The following DAP variants were observed in gnomAD, a reference collection of about 807,000 sequenced individuals.
DAP encodes death-associated protein 1.
A neutral mutation model predicts 13.8 loss-of-function variants in DAP; 8 were observed. The ratio of observed to expected loss-of-function variants is 0.58; its 90% CI spans 0.34 to 1.05. The LOEUF is 1.05. Ranked by LOEUF, DAP falls within the 50% of genes least tolerant of loss-of-function variation. The probability of loss-of-function intolerance (pLI) is 0.03; values close to 1 mark genes in which losing one functional copy is unlikely to be tolerated. For missense variants in DAP, 106 were observed against 133.2 expected (o/e 0.80, Z 1.01); for synonymous variants, 47 against 47.5 (o/e 0.99, Z 0.04).
chr5:10,721,619 AC>A (rs1339230193), intron 2 of DAP, among the ~76,000 whole-genome samples: 4 of 152,190 alleles, frequency 2.6e-5, no homozygotes, highest in Non-Finnish European at 4.4e-5. Context: ...GGAAACTACA[AC>A]AGCCCAACCC....
At chr5:10,703,764 A>C (rs951190265) in intron 2 of DAP, among the ~76,000 whole-genome samples, 15 of 152,204 alleles carry the variant, frequency 9.9e-5, no homozygotes, top group African/African-American at 3.4e-4. Context: ...TTTACACAGC[A>C]GCCTGGGTGT....
Position 10,680,979 on chromosome 5 carries a change from A to T in DAP, c.*77T>A, listed in dbSNP as rs1737972703. Reference sequence around the variant, plus strand: ...CCCAGCAGAGTAGGATTTGGGCGAAACTGCTGGTTCTCTCTGTCAGGGAAA... The same window carrying T: ...CCCAGCAGAGTAGGATTTGGGCGAATCTGCTGGTTCTCTCTGTCAGGGAAA... On this transcript the variant is annotated 3_prime_UTR_variant, in exon 4 of 4. Transcript: ENST00000230895. 6.5e-7 allele frequency: 1 copy of T among 1,547,578 alleles called. No homozygotes were observed. The highest frequency in any genetic ancestry group is 1.4e-5 in the African/African-American group (1 of 73,266).
At chr5:10,724,128 T>G (rs1739225270) in intron 2 of DAP, among the ~76,000 whole-genome samples, 1 of 152,226 alleles carries the variant, frequency 6.6e-6, no homozygotes. Flanking sequence ...TAAAACAATT[T>G]AAAAGCACAG....
At chr5:10,716,195 G>A (rs995102436) in intron 2 of DAP, among the ~76,000 whole-genome samples, 13 of 152,144 alleles carry the variant, frequency 8.5e-5, no homozygotes, top group East Asian at 3.8e-4. Flanking sequence ...AAGAAACAGC[G>A]GGCAGAATGA....
chr5:10,698,226 C>T (rs1485946138), intron 2 of DAP, among the ~76,000 whole-genome samples: 1 of 149,014 alleles, frequency 6.7e-6, no homozygotes, highest in East Asian at 2.0e-4. Flanking sequence ...CTCTGGGGAC[C>T]CTCCTAAGGC....
At chr5:10,754,669 G>A (rs116503542) in intron 1 of DAP, among the ~76,000 whole-genome samples, 2,742 of 152,296 alleles carry the variant, frequency 0.018, 61 homozygotes, top group African/African-American at 0.058. Context: ...GAGGTACATG[G>A]AGCAGCTACA....
chr5:10,743,441 A>G (rs1268350909), intron 2 of DAP, among the ~76,000 whole-genome samples: 1 of 152,122 alleles, frequency 6.6e-6, no homozygotes, highest in Non-Finnish European at 1.5e-5. Flanking sequence ...TCAGGGAAGA[A>G]TTGTTCCTTA....
intron 2 of DAP, among the ~76,000 whole-genome samples, chr5:10,746,465 G>A (rs892112238): frequency 6.6e-6 from 1 of 151,980 alleles, no homozygotes; most frequent in Non-Finnish European, 1.5e-5. Flanking sequence ...GAGTAGCTGG[G>A]ATTACAGGCA....
chr5:10,718,111 C>G (rs146275274), intron 2 of DAP, among the ~76,000 whole-genome samples: 126 of 152,254 alleles, frequency 8.3e-4, no homozygotes, highest in African/African-American at 3.0e-3. Context: ...TGGCTTTTTA[C>G]CAGAGTAACT....
At chr5:10,710,318 AAGCTGAGGCTCAGGGAGTTGCAGTT>A in intron 2 of DAP, among the ~76,000 whole-genome samples, 1 of 152,320 alleles carries the variant, frequency 6.6e-6, no homozygotes, top group African/African-American at 2.4e-5. Flanking sequence ...CCAAGATGAG[AAGCTGAGGCTCAGGGAGTTGCAGTT>A]ATCTGACCCA....
At chr5:10,703,719 G>A (rs370710361) in intron 2 of DAP, among the ~76,000 whole-genome samples, 22 of 152,250 alleles carry the variant, frequency 1.4e-4, no homozygotes, top group Middle Eastern at 3.2e-3. Flanking sequence ...GGCTTTGGCA[G>A]TAGCTAGTGT....
intron 2 of DAP, among the ~76,000 whole-genome samples, chr5:10,700,223 A>G (rs956380419): frequency 6.6e-6 from 1 of 152,240 alleles, no homozygotes; most frequent in South Asian, 2.1e-4. Context: ...AGACATCTAC[A>G]TGAGAGCCTT....
chr5:10,728,859 C>T (rs993464457), intron 2 of DAP, among the ~76,000 whole-genome samples: 2 of 152,160 alleles, frequency 1.3e-5, no homozygotes, highest in East Asian at 3.9e-4. Context: ...GAGGGCCAGT[C>T]AGCCCCATCC....
At chr5:10,740,652 A>G (rs1739731453) in intron 2 of DAP, among the ~76,000 whole-genome samples, 1 of 152,242 alleles carries the variant, frequency 6.6e-6, no homozygotes, top group Admixed American at 6.5e-5. Context: ...ACACATTGAA[A>G]GAAAAAATTT....
In DAP at chr5:10,739,817, ACACG is replaced by A. The variant is rs561242929; in HGVS notation, c.152+8354_152+8357del. Among the ~76,000 whole-genome samples, 618 of 148,118 alleles carry A rather than the reference ACACG, an allele frequency of 4.2e-3. 2 individuals carry two copies. Among genetic ancestry groups the A allele is most frequent in the African/African-American group, 0.014 (572 of 39,796 alleles). On this transcript the variant is annotated intron_variant, in intron 2 of 3. Coordinates refer to ENST00000230895, the MANE Select transcript of DAP (RefSeq NM_004394.3). ...CACACACACACACACACACACACACACACGAATGGGTTTGAACAGAAAAGGCATG... is the reference window on the plus strand; with the variant it reads ...CACACACACACACACACACACACACAAATGGGTTTGAACAGAAAAGGCATG...
At chr5:10,701,793 T>TAA (rs1738584916) in intron 2 of DAP, among the ~76,000 whole-genome samples, 1 of 152,136 alleles carries the variant, frequency 6.6e-6, no homozygotes, top group Admixed American at 6.5e-5. Flanking sequence ...TAGCAGTGCT[T>TAA]TCTTTCACTC....
chr5:10,713,449 A>G (rs1295204311), intron 2 of DAP, among the ~76,000 whole-genome samples: 1 of 152,218 alleles, frequency 6.6e-6, no homozygotes, highest in African/African-American at 2.4e-5. Context: ...GGGAGGCAGA[A>G]GAGTGAAACA....
chr5:10,723,832 C>A (rs1470564127), intron 2 of DAP, among the ~76,000 whole-genome samples: 1 of 152,140 alleles, frequency 6.6e-6, no homozygotes, highest in African/African-American at 2.4e-5. Context: ...AGTTGTGACA[C>A]CTTCTATGTT....
intron 2 of DAP, among the ~76,000 whole-genome samples, chr5:10,724,795 T>A (rs1453582068): frequency 1.3e-5 from 2 of 152,286 alleles, no homozygotes; most frequent in Non-Finnish European, 2.9e-5. Context: ...CTCCAGTGAC[T>A]TGGAGGGAAG....
Sources: gnomAD v4.1 joint callset for allele counts (sites outside exome capture counted in the v4.1 genomes callset) on GRCh38, gnomAD v4.1.1 for gene constraint, MANE v1.5 for transcripts, NCBI Gene and HGNC (gene_info 2026-07-23, HGNC 2026-07-21) for gene names.